Variants in MKLN1 observed in about 807,000 individuals in gnomAD.
The protein encoded by MKLN1 is muskelin 1.
Under a neutral mutation model 99.0 loss-of-function variants are expected in MKLN1, and 18 were observed. That is an observed-to-expected ratio of 0.18 (90% CI 0.13 to 0.27). MKLN1 has a LOEUF of 0.27. Ranked by LOEUF, MKLN1 falls within the 10% of genes least tolerant of loss-of-function variation. MKLN1 has a pLI of 1.00. For synonymous variants in MKLN1, 288 were observed against 293.2 expected, an observed-to-expected ratio of 0.98 and a Z score of 0.18; for missense variants, 621 against 875.9, an observed-to-expected ratio of 0.71 and a Z score of 3.67.
At chr7:131,479,403 G>A (rs867568991) in intron 17 of MKLN1, among the ~76,000 whole-genome samples, 20 of 152,208 alleles carry the variant, frequency 1.3e-4, no homozygotes, top group South Asian at 8.3e-4. Context: ...AGTGGTGTGC[G>A]CCCATAGTCC....
intron 3 of MKLN1, among the ~76,000 whole-genome samples, chr7:131,314,262 A>G (rs903768158): frequency 1.4e-4 from 21 of 152,268 alleles, no homozygotes; most frequent in African/African-American, 4.6e-4. Flanking sequence ...AAATCTCTCC[A>G]TGACTCTTCA....
chr7:131,384,818 CA>C, intron 2 of MKLN1, among the ~76,000 whole-genome samples: 1 of 152,330 alleles, frequency 6.6e-6, no homozygotes, highest in Non-Finnish European at 1.5e-5. Flanking sequence ...TTAGTGCTCA[CA>C]AAATGTTAGC....
In MKLN1 at chr7:131,131,635, G is replaced by A. The variant is rs189607303; in HGVS notation, c.-418-11185G>A. The stretch of plus-strand genomic sequence containing the variant: ...CTAGTGATTAGAAGAGCTCAGATTC[G>A]GTCACAGAAAGTCTGGTTTCAGAAG... On this transcript the variant is annotated intron_variant, in intron 1 of 7. Transcript: ENST00000416992. Among the ~76,000 whole-genome samples, 275 of 152,202 alleles carry A rather than the reference G, an allele frequency of 1.8e-3. 1 individual carries two copies. The highest frequency in any genetic ancestry group is 3.0e-3 in the Non-Finnish European group (207 of 68,024).
At chr7:131,143,434 C>A (rs889535626) in intron 2 of MKLN1, among the ~76,000 whole-genome samples, 3 of 152,086 alleles carry the variant, frequency 2.0e-5, no homozygotes, top group Admixed American at 2.0e-4. Context: ...CCACTGCATG[C>A]CAGCCCAGGC....
intron 3 of MKLN1, among the ~76,000 whole-genome samples, chr7:131,295,378 A>G (rs1395449056): frequency 6.6e-6 from 1 of 152,198 alleles, no homozygotes; most frequent in African/African-American, 2.4e-5. Context: ...ACATTGTGTA[A>G]AACATTTAAA....
intron 12 of MKLN1, among the ~76,000 whole-genome samples, chr7:131,456,565 C>T (rs1235246567): frequency 6.6e-6 from 1 of 152,128 alleles, no homozygotes; most frequent in Non-Finnish European, 1.5e-5. Context: ...GTGCAGAAAC[C>T]CTGCTGGAGT....
In MKLN1 at chr7:131,462,241, G is replaced by A. The variant is rs115976643; in HGVS notation, c.1526-976G>A. Among the ~76,000 whole-genome samples the A allele has an allele frequency of 7.6e-3, 1,163 of 152,160 alleles. 18 individuals carry two copies. Among genetic ancestry groups the A allele is most frequent in the African/African-American group, 0.027 (1,100 of 41,490 alleles). The stretch of plus-strand genomic sequence containing the variant: ...GACAGGGTCTCACTATGTTGCCCAG[G>A]CTGGTCTTGAGGTCATGGCCTCATA... On this transcript the variant is annotated intron_variant, in intron 12 of 17. Coordinates refer to ENST00000352689, the MANE Select transcript of MKLN1 (RefSeq NM_013255.5).
At chr7:131,228,917 G>A (rs1797198335) in intron 3 of MKLN1, among the ~76,000 whole-genome samples, 2 of 152,310 alleles carry the variant, frequency 1.3e-5, no homozygotes, top group Middle Eastern at 3.4e-3. Context: ...AGAGTTGATT[G>A]TGAGCCAGTA....
intron 2 of MKLN1, among the ~76,000 whole-genome samples, chr7:131,166,541 C>A (rs1796127735): frequency 6.6e-6 from 1 of 152,230 alleles, no homozygotes; most frequent in Admixed American, 6.5e-5. Context: ...GGCACTGCCA[C>A]CCTGGCCTTC....
intron 4 of MKLN1, among the ~76,000 whole-genome samples, chr7:131,391,026 G>A (rs910597019): frequency 1.3e-5 from 2 of 151,666 alleles, no homozygotes; most frequent in African/African-American, 4.8e-5. Flanking sequence ...CCGGTCAGCA[G>A]TGTATTTGCT....
At chr7:131,393,740 C>G (rs1295726239) in intron 4 of MKLN1, among the ~76,000 whole-genome samples, 1 of 152,110 alleles carries the variant, frequency 6.6e-6, no homozygotes, top group African/African-American at 2.4e-5. Flanking sequence ...GATCCTTCAT[C>G]TGGCCTCCCA....
intron 2 of MKLN1, among the ~76,000 whole-genome samples, chr7:131,156,447 C>CAAAAAAAAAAAAAAAA (rs143988738): frequency 1.3e-5 from 1 of 74,672 alleles, no homozygotes; most frequent in Non-Finnish European, 2.4e-5. Context: ...GACTCTGTCT[C>CAAAAAAAAAAAAAAAA]AAAAAAAAAA....
intron 6 of MKLN1, among the ~76,000 whole-genome samples, chr7:131,409,297 T>C (rs1251521126): frequency 6.6e-6 from 1 of 152,192 alleles, no homozygotes; most frequent in Non-Finnish European, 1.5e-5. Flanking sequence ...TTAGAAATAA[T>C]AGGGAGCATG....
chr7:131,279,541 C>G (rs1213021392), intron 3 of MKLN1, among the ~76,000 whole-genome samples: 1 of 152,112 alleles, frequency 6.6e-6, no homozygotes, highest in Admixed American at 6.6e-5. Flanking sequence ...GGTGTGGTGG[C>G]TAACACTGGT....
intron 16 of MKLN1, among the ~76,000 whole-genome samples, chr7:131,476,046 A>C (rs1335385141): frequency 6.6e-6 from 1 of 152,222 alleles, no homozygotes; most frequent in African/African-American, 2.4e-5. Flanking sequence ...AGAATGAAGG[A>C]GGAAAACCAT....
intron 8 of MKLN1, among the ~76,000 whole-genome samples, chr7:131,419,246 A>G (rs55742464): frequency 1.9e-5 from 2 of 107,306 alleles, no homozygotes; most frequent in Admixed American, 9.4e-5. Flanking sequence ...ATATATATAT[A>G]TTTTTGTTTT....
intron 2 of MKLN1, among the ~76,000 whole-genome samples, chr7:131,184,966 G>T (rs1389926967): frequency 7.2e-5 from 11 of 152,176 alleles, no homozygotes; most frequent in African/African-American, 2.7e-4. Flanking sequence ...TGTATAACTT[G>T]CCTGCCATCA....
chr7:131,184,531 T>A (rs897855950), intron 2 of MKLN1, among the ~76,000 whole-genome samples: 3 of 100,494 alleles, frequency 3.0e-5, no homozygotes, highest in Non-Finnish European at 4.4e-5. Context: ...GCAGTAATAC[T>A]TTTTTTTTTT....
chr7:131,387,411 T>A, intron 3 of MKLN1, 149 bp downstream of exon 3: 1 of 518,342 alleles, frequency 1.9e-6, no homozygotes, highest in Non-Finnish European at 3.0e-6. Context: ...TTTAATACTG[T>A]GGCTTGAGTT....
Sources: gnomAD v4.1 joint callset for allele counts (sites outside exome capture counted in the v4.1 genomes callset) on GRCh38, gnomAD v4.1.1 for gene constraint, MANE v1.5 for transcripts, NCBI Gene and HGNC (gene_info 2026-07-23, HGNC 2026-07-21) for gene names.